Variants in FOCAD observed in about 807,000 individuals in gnomAD.
FOCAD encodes focadhesin.
Under a neutral mutation model 225.6 loss-of-function variants are expected in FOCAD, and 198 were observed. The observed-to-expected ratio is 0.88, with a 90% confidence interval of 0.78 to 0.99. FOCAD has a LOEUF of 0.99. Among genes scored for constraint, FOCAD ranks in the 50% least tolerant of loss-of-function variants. The pLI is 0.00. For synonymous variants in FOCAD, 897 were observed against 755.0 expected, an observed-to-expected ratio of 1.19 and a Z score of -3.08; for missense variants, 2,713 against 2,123.6, an observed-to-expected ratio of 1.28 and a Z score of -5.46.
At chr9:20,842,030 A>G (rs1238524631) in intron 15 of FOCAD, among the ~76,000 whole-genome samples, 2 of 151,662 alleles carry the variant, frequency 1.3e-5, no homozygotes, top group Non-Finnish European at 2.9e-5. Flanking sequence ...TTACGAGCAT[A>G]TTGTTTAATT....
At chr9:20,688,912 G>A (rs1822814339) in intron 1 of FOCAD, among the ~76,000 whole-genome samples, 1 of 152,222 alleles carries the variant, frequency 6.6e-6, no homozygotes, top group African/African-American at 2.4e-5. Context: ...TAGAACCAGA[G>A]ATGATAAATA....
intron 5 of FOCAD, among the ~76,000 whole-genome samples, chr9:20,753,160 C>G (rs1186791907): frequency 6.6e-6 from 1 of 152,124 alleles, no homozygotes; most frequent in Non-Finnish European, 1.5e-5. Flanking sequence ...TTTCCTCCTC[C>G]TGCCTAATTG....
chr9:20,747,598 T>G (rs1828159013), intron 5 of FOCAD, among the ~76,000 whole-genome samples: 1 of 152,108 alleles, frequency 6.6e-6, no homozygotes, highest in Admixed American at 6.6e-5. Context: ...CATTCCCCAA[T>G]ACTCTCTATT....
At position 20,986,451 on chromosome 9, in the gene FOCAD, G is replaced by A; in HGVS notation, c.4892G>A (p.Ser1631Asn). ...AGCTTATACCAGGCACGGATTGTGAGCCATGCCAATACGGGTGAGGACACC... is the reference window on the plus strand; with the variant it reads ...AGCTTATACCAGGCACGGATTGTGAACCATGCCAATACGGGTGAGGACACC... ...LHSLYQARIVSHANTGVLKRM... is the reference protein window; with the variant it reads ...LHSLYQARIVNHANTGVLKRM... The change falls in exon 40 of 44, where the codon AGC becomes AAC. Residue 1631 changes from serine (S) to asparagine (N), a missense_variant. By Grantham distance (46) the Ser-to-Asn change is conservative. Transcript: ENST00000338382. 6.2e-7 allele frequency: 1 copy of A among 1,610,394 alleles called. No individual in the cohort carries two copies. Among genetic ancestry groups the A allele is most frequent in the South Asian group, 1.1e-5 (1 of 90,534 alleles).
At position 20,740,356 on chromosome 9, in the gene FOCAD, GTT is replaced by G. The variant is rs57561334; in HGVS notation, c.392+25_392+26del. 444 of 1,217,152 alleles carry G rather than the reference GTT, an allele frequency of 3.6e-4. No individual in the cohort carries two copies. Among genetic ancestry groups the G allele is most frequent in the Admixed American group, 6.6e-4 (28 of 42,556 alleles). 75.4% of individuals were successfully genotyped at this position (1,217,152 alleles called of 1,614,324 possible). On this transcript the variant is annotated intron_variant, in intron 5 of 43. Transcript: ENST00000338382. Reference sequence around the variant, plus strand: ...ATACCATTAGGTAAGCCTTTTTTCTGTTTTTTTTTTAAACAAATATGAATTTT... The same window carrying G: ...ATACCATTAGGTAAGCCTTTTTTCTGTTTTTTTTAAACAAATATGAATTTT...
At chr9:20,870,213 C>T (rs1376624503) in intron 18 of FOCAD, among the ~76,000 whole-genome samples, 2 of 152,138 alleles carry the variant, frequency 1.3e-5, no homozygotes, top group Non-Finnish European at 2.9e-5. Context: ...ACTGATTATG[C>T]ATTCAGGGTT....
intron 29 of FOCAD, among the ~76,000 whole-genome samples, chr9:20,945,103 A>G (rs1166686069): frequency 6.6e-6 from 1 of 152,226 alleles, no homozygotes. Flanking sequence ...CTCAAGCCAA[A>G]TATAACTTTC....
Position 20,948,797 on chromosome 9 carries a change from A to C in FOCAD, c.3799-54A>C, listed in dbSNP as rs561591633. 8 of 1,587,302 alleles carry C rather than the reference A, an allele frequency of 5.0e-6. No homozygotes were observed. In the Admixed American group the frequency reaches 1.3e-4, roughly 27 times the overall value. On this transcript the variant is annotated intron_variant, in intron 31 of 43. Coordinates refer to ENST00000338382, the MANE Select transcript of FOCAD (RefSeq NM_001375567.1). ...TCCGTGTCCTCAGAAGTTTTATAGA[A>C]TCTAAACCCAAGGACTGATTCCCTC...
At chr9:20,811,314 GT>G (rs1823049486) in intron 11 of FOCAD, among the ~76,000 whole-genome samples, 1 of 152,016 alleles carries the variant, frequency 6.6e-6, no homozygotes, top group African/African-American at 2.4e-5. Flanking sequence ...TCAGTTTTCC[GT>G]TTGAAATGTG....
At chr9:20,908,514 G>A (rs2383162) in intron 22 of FOCAD, among the ~76,000 whole-genome samples, 94,432 of 152,000 alleles carry the variant, frequency 0.62, 29,537 homozygotes, top group Admixed American at 0.69. Flanking sequence ...TTAAATCCAC[G>A]TAGTCTACCA....
At chr9:20,721,557 C>A (rs1402332378) in intron 4 of FOCAD, among the ~76,000 whole-genome samples, 2 of 151,990 alleles carry the variant, frequency 1.3e-5, no homozygotes, top group Non-Finnish European at 2.9e-5. Context: ...CAAAAATTAG[C>A]TGGGCGTGGT....
chr9:20,951,003 G>C lies in FOCAD; in HGVS notation c.3956G>C (p.Ser1319Thr), dbSNP rs752198988. ...EVIRTLTQVI[S>T]VSGVIGLQSN... ...TTACCTTTTTATTTGTAGGTCATTA[G>C]TGTCTCTGGGGTGATTGGTCTCCAG... The change falls in exon 34 of 44, where the codon AGT (serine) becomes ACT (threonine). Residue 1319 changes from serine (S) to threonine (T), a missense_variant. Ser to Thr is a moderately conservative substitution (Grantham distance 58). Transcript: ENST00000338382. 6.2e-7 allele frequency: 1 copy of C among 1,612,776 alleles called. No individual in the cohort carries two copies. The highest frequency in any genetic ancestry group is 2.2e-5 in the East Asian group (1 of 44,874).
chr9:20,928,505 T>C (rs889951378), intron 26 of FOCAD, among the ~76,000 whole-genome samples: 3 of 152,172 alleles, frequency 2.0e-5, no homozygotes, highest in Non-Finnish European at 4.4e-5. Context: ...AATTGGATAA[T>C]AGTGAGGAAT....
At chr9:20,694,762 T>C (rs1041779655) in intron 1 of FOCAD, among the ~76,000 whole-genome samples, 15 of 152,226 alleles carry the variant, frequency 9.9e-5, no homozygotes, top group Admixed American at 1.3e-4. Context: ...TCCCTAGTAA[T>C]TGTCTTTAAT....
At chr9:20,926,155 G>T in intron 25 of FOCAD, 146 bp from the exon 26 acceptor site, 1 of 587,130 alleles carries the variant, frequency 1.7e-6, no homozygotes. Flanking sequence ...CCTCATACGT[G>T]CATGCTTATA....
In FOCAD at chr9:20,982,382, G is replaced by A. The variant is rs777979272; in HGVS notation, c.4664G>A (p.Ser1555Asn). 7 of 1,613,690 alleles carry A rather than the reference G, an allele frequency of 4.3e-6. No homozygotes were observed. The highest frequency in any genetic ancestry group is 1.3e-5 in the African/African-American group (1 of 75,038). Residue 1555 changes from serine (S) to asparagine (N), a missense_variant, in exon 39 of 44, where the codon AGC (serine) becomes AAC (asparagine). Ser to Asn is a conservative substitution (Grantham distance 46, BLOSUM62 1). Transcript: ENST00000338382. Reference sequence around the variant, plus strand: ...AGAAAGGATCTAGAGCTGTATATCAGCATAGCAAAATGCCTCTTAGAAATG... The same window carrying A: ...AGAAAGGATCTAGAGCTGTATATCAACATAGCAAAATGCCTCTTAGAAATG... ...IRRKDLELYI[S>N]IAKCLLEMTD... is the part of the protein sequence containing the mutation.
intron 28 of FOCAD, among the ~76,000 whole-genome samples, chr9:20,937,596 T>G (rs890071066): frequency 2.0e-5 from 3 of 152,296 alleles, no homozygotes; most frequent in Admixed American, 2.0e-4. Flanking sequence ...GATTAAAGAC[T>G]TACATGTTAG....
rs1182930182 is a variant in FOCAD, at chr9:20,981,491, G to C, written c.4443G>C (p.Gln1481His). 2 of 1,613,992 alleles carry C rather than the reference G, an allele frequency of 1.2e-6. No individual in the cohort carries two copies. The highest frequency in any genetic ancestry group is 2.7e-5 in the African/African-American group (2 of 74,920). ...PLWIKHISDEQILGFVENLMV... is the reference protein window; with the variant it reads ...PLWIKHISDEHILGFVENLMV... ...GGATAAAACACATCTCTGATGAACA[G>C]ATCCTGGGTTTTGTTGAAAATTTAA... is the stretch of plus-strand genomic sequence containing the variant. The change falls in exon 38 of 44, where the codon CAG becomes CAC. Residue 1481 changes from glutamine to histidine, a missense_variant. By Grantham distance (24) the Gln-to-His change is conservative. Transcript: ENST00000338382.
At chr9:20,894,196 G>A (rs563629906) in intron 21 of FOCAD, among the ~76,000 whole-genome samples, 11 of 151,932 alleles carry the variant, frequency 7.2e-5, no homozygotes, top group South Asian at 2.1e-4. Context: ...ATGTATTTTC[G>A]TTGCTTGACA....
Sources: allele counts gnomAD v4.1 joint callset (sites outside exome capture counted in the v4.1 genomes callset), GRCh38; gene constraint gnomAD v4.1.1; transcripts MANE v1.5; gene names NCBI Gene and HGNC (gene_info 2026-07-23, HGNC 2026-07-21).